RPTOR: variants seen among roughly 807,000 people sequenced by gnomAD.
RPTOR encodes regulatory associated protein of MTOR complex 1.
Under a neutral mutation model 169.9 loss-of-function variants are expected in RPTOR, and 21 were observed. The ratio of observed to expected loss-of-function variants is 0.12; its 90% CI spans 0.09 to 0.18. The LOEUF (loss-of-function observed/expected upper bound fraction) is 0.18, where lower values mean the gene tolerates loss of function less well. RPTOR is among the 10% of genes least tolerant of loss of function. RPTOR has a pLI of 1.00. For synonymous variants in RPTOR, 732 were observed against 753.2 expected, an observed-to-expected ratio of 0.97 and a Z score of 0.46; for missense variants, 1,133 against 1,855.9, an observed-to-expected ratio of 0.61 and a Z score of 7.16.
intron 6 of RPTOR, among the ~76,000 whole-genome samples, chr17:80,779,407 G>C (rs2066918790): frequency 6.6e-6 from 1 of 152,228 alleles, no homozygotes; most frequent in Admixed American, 6.5e-5. Context: ...GAACCGAAGA[G>C]AGAGACTTGC....
At chr17:80,693,473 G>T (rs918972457) in intron 3 of RPTOR, among the ~76,000 whole-genome samples, 1 of 152,236 alleles carries the variant, frequency 6.6e-6, no homozygotes, top group South Asian at 2.1e-4. Flanking sequence ...TCTAGTTCTT[G>T]TCTGCCTCTT....
At chr17:80,818,019 G>A (rs2067341544) in intron 7 of RPTOR, among the ~76,000 whole-genome samples, 1 of 152,214 alleles carries the variant, frequency 6.6e-6, no homozygotes, top group Non-Finnish European at 1.5e-5. Flanking sequence ...GGGGGAAGGT[G>A]GAGATAAACC....
At chr17:80,873,362 G>T (rs1223415473) in intron 13 of RPTOR, among the ~76,000 whole-genome samples, 1 of 151,992 alleles carries the variant, frequency 6.6e-6, no homozygotes, top group Non-Finnish European at 1.5e-5. Context: ...CCCAAACATG[G>T]GTTCTTTTAT....
intron 17 of RPTOR, among the ~76,000 whole-genome samples, chr17:80,886,683 C>G (rs2589128): frequency 0.058 from 8,887 of 152,306 alleles, 503 homozygotes; most frequent in African/African-American, 0.14. Flanking sequence ...GGCACTGAGA[C>G]GAAGCTCCCC....
At chr17:80,944,784 A>G (rs2069077905) in intron 25 of RPTOR, among the ~76,000 whole-genome samples, 1 of 152,166 alleles carries the variant, frequency 6.6e-6, no homozygotes, top group Non-Finnish European at 1.5e-5. Context: ...TGAGGTCAGG[A>G]GTTTGAGACC....
chr17:80,925,576 A>G, intron 24 of RPTOR, 96 bp downstream of exon 24: 4 of 997,556 alleles, frequency 4.0e-6, no homozygotes, highest in Non-Finnish European at 6.2e-6. Context: ...TGGCTGTGGG[A>G]GCGTCCCATT....
At chr17:80,720,736 G>T (rs1206266641) in intron 4 of RPTOR, among the ~76,000 whole-genome samples, 1 of 152,232 alleles carries the variant, frequency 6.6e-6, no homozygotes, top group Non-Finnish European at 1.5e-5. Flanking sequence ...AGCATCACCT[G>T]CAGGCTCACG....
chr17:80,634,244 C>A (rs2065467889), intron 2 of RPTOR, among the ~76,000 whole-genome samples: 1 of 97,976 alleles, frequency 1.0e-5, no homozygotes. Flanking sequence ...TGTGTGCGTG[C>A]ATACTGTATG....
intron 2 of RPTOR, among the ~76,000 whole-genome samples, chr17:80,627,585 C>G (rs573467008): frequency 5.9e-5 from 9 of 152,262 alleles, no homozygotes; most frequent in African/African-American, 1.7e-4. Context: ...TTGCTTCTTT[C>G]CTTTAGCAGA....
intron 28 of RPTOR, among the ~76,000 whole-genome samples, chr17:80,950,720 G>A (rs2069165329): frequency 6.6e-6 from 1 of 152,262 alleles, no homozygotes; most frequent in African/African-American, 2.4e-5. Flanking sequence ...AGGGGTCCCG[G>A]GAGACAGCTG....
chr17:80,620,787 A>G (rs1459248951), intron 1 of RPTOR, among the ~76,000 whole-genome samples: 1 of 152,200 alleles, frequency 6.6e-6, no homozygotes. Context: ...CAAAAAACTT[A>G]CCAAATTTGA....
At chr17:80,709,787 C>T (rs1341127575) in intron 4 of RPTOR, among the ~76,000 whole-genome samples, 4 of 152,136 alleles carry the variant, frequency 2.6e-5, no homozygotes, top group Admixed American at 6.5e-5. Context: ...TGTGTCCGCC[C>T]GCCGGCTCCC....
At position 80,895,701 on chromosome 17, in the gene RPTOR, C is replaced by T. The variant is rs536760054; in HGVS notation, c.2401+1836C>T. 5.9e-5 allele frequency among the ~76,000 whole-genome samples: 9 copies of T among 152,384 alleles called. No homozygotes were observed. In the South Asian group the frequency reaches 1.9e-3, roughly 32 times the overall value. ...AGCTTTTGTAGATGTCGCCCCAGGC[C>T]TTCCACGGGATCCTCTGTTCTAAAG... is the stretch of plus-strand genomic sequence containing the variant. On this transcript the variant is annotated intron_variant, in intron 20 of 33. Transcript: ENST00000306801.
intron 13 of RPTOR, among the ~76,000 whole-genome samples, chr17:80,875,237 G>A (rs1416396345): frequency 1.3e-5 from 2 of 152,226 alleles, no homozygotes; most frequent in Non-Finnish European, 2.9e-5. Context: ...GGTGCACCTT[G>A]TAGAAGGCAG....
intron 1 of RPTOR, among the ~76,000 whole-genome samples, chr17:80,619,015 T>C (rs763083265): frequency 6.6e-6 from 1 of 152,222 alleles, no homozygotes; most frequent in Non-Finnish European, 1.5e-5. Context: ...CTCTTTGCTA[T>C]GTGTTCTAGT....
intron 3 of RPTOR, among the ~76,000 whole-genome samples, chr17:80,694,975 C>T (rs1038446807): frequency 6.6e-6 from 1 of 152,162 alleles, no homozygotes; most frequent in Non-Finnish European, 1.5e-5. Flanking sequence ...TCCCCAGAAG[C>T]CTCTGGGCCT....
At chr17:80,791,361 C>T in intron 6 of RPTOR, 89 bp from the exon 7 acceptor site, 1 of 1,184,146 alleles carries the variant, frequency 8.4e-7, no homozygotes, top group Non-Finnish European at 1.2e-6. Flanking sequence ...CTGTCCCCAC[C>T]TTTAACTCTT....
intron 5 of RPTOR, among the ~76,000 whole-genome samples, chr17:80,739,988 A>T (rs1233059067): frequency 6.6e-6 from 1 of 152,200 alleles, no homozygotes; most frequent in African/African-American, 2.4e-5. Context: ...AAATATTAAA[A>T]GCTGATTCTC....
chr17:80,892,567 C>T (rs1598383123), intron 18 of RPTOR, among the ~76,000 whole-genome samples, 162 bp from the exon 19 acceptor site: 1 of 152,280 alleles, frequency 6.6e-6, no homozygotes. Flanking sequence ...AGAGCCTCCG[C>T]TCACGTCTGA....
Sources: gnomAD v4.1 joint callset for allele counts (sites outside exome capture counted in the v4.1 genomes callset) on GRCh38, gnomAD v4.1.1 for gene constraint, MANE v1.5 for transcripts, NCBI Gene and HGNC (gene_info 2026-07-23, HGNC 2026-07-21) for gene names.